The following DCC variants were observed in gnomAD, a reference collection of about 807,000 sequenced individuals.
DCC encodes netrin receptor DCC.
A neutral mutation model predicts 172.5 loss-of-function variants in DCC; 58 were observed. The observed-to-expected ratio is 0.34, with a 90% CI of 0.27 to 0.42. DCC has a LOEUF of 0.42. DCC is among the 10% of genes least tolerant of loss of function. The pLI, the probability that DCC is intolerant of heterozygous loss-of-function variation, is 1.00. For synonymous variants in DCC, 709 were observed against 644.5 expected (o/e 1.10, Z -1.52); for missense variants, 1,740 against 1,791.0 (o/e 0.97, Z 0.51).
In DCC at chr18:53,346,575, A is replaced by C. The variant is rs548459073; in HGVS notation, c.2359+6668A>C. 7.9e-5 allele frequency among the ~76,000 whole-genome samples: 12 copies of C among 152,236 alleles called. 1 individual carries two copies. The South Asian group carries it at 2.3e-3, about 29-fold the overall frequency. ...TTACCTCTATCTCATTGTTAGGCTCATATGGTAAAGGTCATTATATTTTAA... is the reference window on the plus strand; with the variant it reads ...TTACCTCTATCTCATTGTTAGGCTCCTATGGTAAAGGTCATTATATTTTAA... On this transcript the variant is annotated intron_variant, in intron 15 of 28. Coordinates refer to ENST00000442544, the MANE Select transcript of DCC (RefSeq NM_005215.4).
At chr18:53,470,676 G>T (rs558027710) in intron 25 of DCC, among the ~76,000 whole-genome samples, 17 of 152,044 alleles carry the variant, frequency 1.1e-4, no homozygotes, top group African/African-American at 3.9e-4. Flanking sequence ...GAATCATGGC[G>T]GAAGGTGAAG....
At chr18:52,427,804 TTTTCTTCCTTTCTTCCTTCCTTCCTTCC>T (rs1433417094) in intron 1 of DCC, among the ~76,000 whole-genome samples, 4 of 136,836 alleles carry the variant, frequency 2.9e-5, no homozygotes, top group Admixed American at 7.2e-5. Context: ...ACTAACTTTC[TTTTCTTCCTTTCTTCCTTCCTTCCTTCC>T]TTTCTTCCTT....
chr18:53,365,328 G>A (rs181704526), intron 15 of DCC, among the ~76,000 whole-genome samples: 57 of 151,296 alleles, frequency 3.8e-4, no homozygotes, highest in East Asian at 1.4e-3. Context: ...TATCATTGTC[G>A]GACATTTGGG....
At chr18:53,194,216 A>G (rs1253628193) in intron 9 of DCC, among the ~76,000 whole-genome samples, 2 of 152,176 alleles carry the variant, frequency 1.3e-5, no homozygotes, top group African/African-American at 2.4e-5. Flanking sequence ...ATGTGAAGTA[A>G]GCAAGAAGCC....
chr18:52,884,706 T>C (rs1227435028), intron 2 of DCC, among the ~76,000 whole-genome samples: 1 of 152,228 alleles, frequency 6.6e-6, no homozygotes. Context: ...TGGTGCCTTA[T>C]TTAGTTCATT....
At chr18:52,999,569 C>A (rs962027960) in intron 5 of DCC, among the ~76,000 whole-genome samples, 14 of 152,016 alleles carry the variant, frequency 9.2e-5, no homozygotes, top group African/African-American at 3.4e-4. Context: ...CTGACAAAAT[C>A]TGTTGCTACA....
At chr18:53,144,148 T>C (rs915116705) in intron 7 of DCC, among the ~76,000 whole-genome samples, 1 of 152,252 alleles carries the variant, frequency 6.6e-6, no homozygotes, top group Non-Finnish European at 1.5e-5. Context: ...GGGATGTTAA[T>C]GCTTTTAATA....
At chr18:53,418,111 T>C (rs1041802201) in intron 21 of DCC, among the ~76,000 whole-genome samples, 3 of 152,170 alleles carry the variant, frequency 2.0e-5, no homozygotes, top group African/African-American at 7.2e-5. Flanking sequence ...CTGTCACATA[T>C]GTAACTTGGA....
chr18:53,070,900 C>T (rs1208125018), intron 7 of DCC, among the ~76,000 whole-genome samples: 10 of 152,132 alleles, frequency 6.6e-5, no homozygotes, highest in Non-Finnish European at 1.2e-4. Context: ...GCACAGGCCG[C>T]GTGCACAGAT....
intron 12 of DCC, among the ~76,000 whole-genome samples, chr18:53,217,828 G>C (rs1318383302): frequency 1.3e-5 from 2 of 151,872 alleles, no homozygotes; most frequent in African/African-American, 4.8e-5. Context: ...AATACTAACA[G>C]AATTCCAGGG....
intron 8 of DCC, among the ~76,000 whole-genome samples, chr18:53,176,794 G>A (rs1297836416): frequency 6.6e-5 from 10 of 151,350 alleles, no homozygotes; most frequent in South Asian, 4.2e-4. Context: ...ATCTAGAACT[G>A]GAAATACCAT....
intron 5 of DCC, among the ~76,000 whole-genome samples, chr18:52,967,439 T>C (rs1046068223): frequency 6.6e-6 from 1 of 152,182 alleles, no homozygotes; most frequent in Admixed American, 6.5e-5. Context: ...AAGTGTATAA[T>C]ATGTACTGTA....
Position 52,743,707 on chromosome 18 carries a change from T to C in DCC, c.92-8347T>C, listed in dbSNP as rs146973423. On this transcript the variant is annotated intron_variant, in intron 1 of 28. Coordinates refer to ENST00000442544, the MANE Select transcript of DCC (RefSeq NM_005215.4). ...TTCTTCAGCTTTGTGGAAGATGCCA[T>C]GTGCTCGGAATGTCGGATGTGGAGC... Among the ~76,000 whole-genome samples the C allele has an allele frequency of 2.0e-5, 3 of 152,330 alleles. No homozygotes were observed. The East Asian group carries it at 5.8e-4, about 29-fold the overall frequency.
At chr18:52,465,439 T>C (rs549917841) in intron 1 of DCC, among the ~76,000 whole-genome samples, 161 of 152,268 alleles carry the variant, frequency 1.1e-3, no homozygotes, top group Non-Finnish European at 1.4e-3. Flanking sequence ...ACAGCAAGTG[T>C]GCTCAGCTCA....
intron 1 of DCC, among the ~76,000 whole-genome samples, chr18:52,591,644 A>T (rs996442977): frequency 3.1e-4 from 47 of 152,102 alleles, no homozygotes; most frequent in African/African-American, 1.1e-3. Flanking sequence ...TTGAGACAGG[A>T]TGATCACAGC....
chr18:53,342,003 T>C (rs1760893593), intron 15 of DCC, among the ~76,000 whole-genome samples: 1 of 152,106 alleles, frequency 6.6e-6, no homozygotes, highest in African/African-American at 2.4e-5. Context: ...ATGACAGTTA[T>C]ACAACTAAAA....
At chr18:52,811,121 TA>T (rs1286483878) in intron 2 of DCC, among the ~76,000 whole-genome samples, 1 of 152,032 alleles carries the variant, frequency 6.6e-6, no homozygotes, top group Non-Finnish European at 1.5e-5. Context: ...TATGTTTGCT[TA>T]AAAAAACAAA....
At chr18:52,609,006 A>C (rs966049172) in intron 1 of DCC, among the ~76,000 whole-genome samples, 3 of 152,180 alleles carry the variant, frequency 2.0e-5, no homozygotes, top group South Asian at 4.1e-4. Context: ...GCAAGCATCC[A>C]ACTCAGACTG....
At chr18:52,576,323 T>C (rs1215537735) in intron 1 of DCC, among the ~76,000 whole-genome samples, 1 of 152,232 alleles carries the variant, frequency 6.6e-6, no homozygotes, top group East Asian at 1.9e-4. Flanking sequence ...TCCGTAGCCC[T>C]GCTATAATTG....
Sources: gnomAD v4.1 joint callset for allele counts (sites outside exome capture counted in the v4.1 genomes callset) on GRCh38, gnomAD v4.1.1 for gene constraint, MANE v1.5 for transcripts, NCBI Gene and HGNC (gene_info 2026-07-23, HGNC 2026-07-21) for gene names.